The following CDC14A variants were observed in gnomAD, a reference collection of about 807,000 sequenced individuals.
CDC14A encodes cell division cycle 14A.
CDC14A carries 53 observed loss-of-function variants against 74.4 expected under a neutral mutation model. That is an observed-to-expected ratio of 0.71 (90% CI 0.57 to 0.89). The LOEUF (loss-of-function observed/expected upper bound fraction) is 0.89, where lower values mean the gene tolerates loss of function less well. Among genes scored for constraint, CDC14A ranks in the 40% least tolerant of loss-of-function variants. The pLI, the probability that CDC14A is intolerant of heterozygous loss-of-function variation, is 0.00. For synonymous variants in CDC14A, 247 were observed against 258.4 expected (o/e 0.96, Z 0.43); for missense variants, 646 against 713.7 (o/e 0.91, Z 1.08).
At chr1:100,487,477 A>C (rs2101376878) in intron 11 of CDC14A, among the ~76,000 whole-genome samples, 1 of 152,270 alleles carries the variant, frequency 6.6e-6, no homozygotes, top group East Asian at 1.9e-4. Flanking sequence ...CATGAGAATC[A>C]CTTGAACCCG....
At chr1:100,378,229 C>T (rs1439745102) in intron 3 of CDC14A, among the ~76,000 whole-genome samples, 1 of 152,054 alleles carries the variant, frequency 6.6e-6, no homozygotes, top group East Asian at 1.9e-4. Flanking sequence ...TGGATTTTGG[C>T]ATGTGGCTTT....
At chr1:100,469,723 G>A (rs1668202511) in intron 10 of CDC14A, among the ~76,000 whole-genome samples, 1 of 152,168 alleles carries the variant, frequency 6.6e-6, no homozygotes, top group Admixed American at 6.5e-5. Flanking sequence ...GCTAAGTACA[G>A]CTCGCAAGGT....
chr1:100,518,465 A>G lies in CDC14A; in HGVS notation c.*185A>G. The G allele has an allele frequency of 1.8e-6, 1 of 550,722 alleles. No individual in the cohort carries two copies. Among genetic ancestry groups the G allele is most frequent in the East Asian group, 3.0e-5 (1 of 33,732 alleles). 34.1% of individuals were successfully genotyped at this position (550,722 alleles called of 1,614,324 possible). On this transcript the variant is annotated 3_prime_UTR_variant, in exon 16 of 16. Transcript: ENST00000336454. Reference sequence around the variant, plus strand: ...AACAGAAAACTGGTTAATGACTACTATAAATGCACTGAAACTATGTTTATG... The same window carrying G: ...AACAGAAAACTGGTTAATGACTACTGTAAATGCACTGAAACTATGTTTATG...
intron 4 of CDC14A, among the ~76,000 whole-genome samples, chr1:100,392,473 A>G (rs1313423105): frequency 1.3e-5 from 2 of 150,024 alleles, no homozygotes; most frequent in African/African-American, 2.5e-5. Flanking sequence ...TTTTTTTGTG[A>G]GGACCAAATG....
intron 5 of CDC14A, among the ~76,000 whole-genome samples, chr1:100,438,383 C>T (rs2101119991): frequency 6.6e-6 from 1 of 152,208 alleles, no homozygotes; most frequent in Admixed American, 6.5e-5. Flanking sequence ...ACTGAGAGTC[C>T]ATGGCACAGA....
intron 6 of CDC14A, among the ~76,000 whole-genome samples, chr1:100,442,381 AC>A (rs1665046324): frequency 6.8e-6 from 1 of 146,608 alleles, no homozygotes; most frequent in Non-Finnish European, 1.5e-5. Context: ...ATAAATATAT[AC>A]TATATATTAT....
intron 15 of CDC14A, among the ~76,000 whole-genome samples, chr1:100,506,350 T>C (rs570990198): frequency 6.6e-6 from 1 of 152,300 alleles, no homozygotes; most frequent in Admixed American, 6.5e-5. Context: ...ACTAACTACA[T>C]ATCAAGAACA....
At chr1:100,507,483 A>G (rs1267863447) in intron 15 of CDC14A, among the ~76,000 whole-genome samples, 2 of 148,366 alleles carry the variant, frequency 1.3e-5, no homozygotes, top group African/African-American at 2.5e-5. Flanking sequence ...TTTTTTTTGT[A>G]GAGAGAGTGT....
intron 15 of CDC14A, among the ~76,000 whole-genome samples, chr1:100,500,787 G>A (rs976803661): frequency 1.4e-5 from 2 of 143,370 alleles, no homozygotes; most frequent in Non-Finnish European, 1.5e-5. Context: ...ATGAGGATGA[G>A]GATGTTTTCT....
At chr1:100,468,878 T>C (rs1450927350) in intron 10 of CDC14A, among the ~76,000 whole-genome samples, 1 of 151,326 alleles carries the variant, frequency 6.6e-6, no homozygotes, top group East Asian at 1.9e-4. Flanking sequence ...TGAAATTTCA[T>C]TTTTTTTTCT....
chr1:100,507,577 G>A (rs1158754933), intron 15 of CDC14A, among the ~76,000 whole-genome samples: 1 of 152,008 alleles, frequency 6.6e-6, no homozygotes, highest in East Asian at 1.9e-4. Flanking sequence ...TGGGATTACA[G>A]GCTTGAGCCA....
At chr1:100,373,639 G>A (rs919504231) in intron 2 of CDC14A, among the ~76,000 whole-genome samples, 2 of 152,128 alleles carry the variant, frequency 1.3e-5, no homozygotes, top group Non-Finnish European at 2.9e-5. Flanking sequence ...TTTTGAGTTA[G>A]TTTTTGTTGA....
chr1:100,504,195 A>G (rs1041471187), intron 15 of CDC14A, among the ~76,000 whole-genome samples: 9 of 152,224 alleles, frequency 5.9e-5, no homozygotes, highest in Non-Finnish European at 8.8e-5. Context: ...TAATAAAACT[A>G]TACAAATAAG....
chr1:100,518,306 T>A lies in CDC14A; in HGVS notation c.*26T>A. The A allele has an allele frequency of 1.3e-6, 2 of 1,596,502 alleles. No homozygotes were observed. Among genetic ancestry groups the A allele is most frequent in the Non-Finnish European group, 1.7e-6 (2 of 1,164,780 alleles). ...GGCCTTGCCACTCCAGTGAAAGCTGTTCTTCTCTTAGACACAATTTCTTCA... is the reference window on the plus strand; with the variant it reads ...GGCCTTGCCACTCCAGTGAAAGCTGATCTTCTCTTAGACACAATTTCTTCA... On this transcript the variant is annotated 3_prime_UTR_variant, in exon 16 of 16. Transcript: ENST00000336454.
chr1:100,446,691 T>C (rs1665573670), intron 7 of CDC14A, among the ~76,000 whole-genome samples: 1 of 152,146 alleles, frequency 6.6e-6, no homozygotes, highest in Non-Finnish European at 1.5e-5. Context: ...GTGTAGTTTA[T>C]TTATTTTATT....
chr1:100,419,269 G>A (rs781527964), intron 4 of CDC14A, among the ~76,000 whole-genome samples: 4 of 152,216 alleles, frequency 2.6e-5, no homozygotes, highest in African/African-American at 4.8e-5. Context: ...TGGCTATCAC[G>A]TGATGGAGAG....
intron 10 of CDC14A, among the ~76,000 whole-genome samples, chr1:100,472,455 G>T (rs1571281819): frequency 1.3e-5 from 2 of 151,920 alleles, no homozygotes; most frequent in African/African-American, 4.8e-5. Flanking sequence ...GATGACTAAG[G>T]TCAATCTTTG....
intron 11 of CDC14A, chr1:100,484,968 G>A: frequency 1.0e-6 from 1 of 973,500 alleles, no homozygotes; most frequent in South Asian, 4.8e-5. Flanking sequence ...GGTGAGTTAG[G>A]TAATACTATC....
chr1:100,366,863 A>G (rs1653704821), intron 2 of CDC14A, among the ~76,000 whole-genome samples: 1 of 152,228 alleles, frequency 6.6e-6, no homozygotes, highest in Non-Finnish European at 1.5e-5. Context: ...TAATTTGCCA[A>G]TCTTCTTAGA....
Sources: gnomAD v4.1 joint callset for allele counts (sites outside exome capture counted in the v4.1 genomes callset) on GRCh38, gnomAD v4.1.1 for gene constraint, MANE v1.5 for transcripts, NCBI Gene and HGNC (gene_info 2026-07-23, HGNC 2026-07-21) for gene names.